The following PRR16 variants were observed in gnomAD, a reference collection of about 807,000 sequenced individuals.
The protein encoded by PRR16 is proline rich 16.
PRR16 carries 6 observed loss-of-function variants against 18.2 expected under a neutral mutation model. The ratio of observed to expected loss-of-function variants is 0.33; its 90% CI spans 0.18 to 0.65. The LOEUF is 0.65. Among genes scored for constraint, PRR16 ranks in the 30% least tolerant of loss-of-function variants. The probability of loss-of-function intolerance (pLI) is 0.74; values close to 1 mark genes in which losing one functional copy is unlikely to be tolerated. For missense variants in PRR16, 412 were observed against 376.6 expected (o/e 1.09, Z -0.78); for synonymous variants, 151 against 147.8 (o/e 1.02, Z -0.16).
chr5:120,610,730 C>CT (rs1168472218), intron 1 of PRR16, among the ~76,000 whole-genome samples: 1 of 152,132 alleles, frequency 6.6e-6, no homozygotes, highest in Non-Finnish European at 1.5e-5. Context: ...CCAATTATAC[C>CT]TTTTTTTCTT....
chr5:120,666,821 G>A (rs1580854532), intron 1 of PRR16, among the ~76,000 whole-genome samples: 1 of 147,570 alleles, frequency 6.8e-6, no homozygotes, highest in Non-Finnish European at 1.5e-5. Flanking sequence ...ACTTGATCAT[G>A]GTGGATAAGC....
intron 1 of PRR16, among the ~76,000 whole-genome samples, chr5:120,669,697 G>A (rs988677063): frequency 7.9e-5 from 12 of 151,964 alleles, no homozygotes; most frequent in African/African-American, 1.4e-4. Flanking sequence ...TAATTTAAAC[G>A]TCACAATTGT....
At chr5:120,526,667 G>A (rs1751364803) in intron 1 of PRR16, among the ~76,000 whole-genome samples, 1 of 152,130 alleles carries the variant, frequency 6.6e-6, no homozygotes, top group African/African-American at 2.4e-5. Flanking sequence ...GCAATAGTTG[G>A]TTAAATCACA....
the PRR16 span, among the ~76,000 whole-genome samples, chr5:120,703,210 A>G: frequency 5.3e-5 from 8 of 152,148 alleles, no homozygotes; most frequent in African/African-American, 1.2e-4. Context: ...ATGAGCCAGG[A>G]AAAGGATTTT....
At chr5:120,594,571 A>C (rs994167914) in intron 1 of PRR16, among the ~76,000 whole-genome samples, 1 of 152,110 alleles carries the variant, frequency 6.6e-6, no homozygotes, top group African/African-American at 2.4e-5. Context: ...CTATAAAACT[A>C]CTGAAGAAAT....
chr5:120,776,267 C>G, the PRR16 span, among the ~76,000 whole-genome samples: 1 of 152,144 alleles, frequency 6.6e-6, no homozygotes, highest in Non-Finnish European at 1.5e-5. Flanking sequence ...TCCAGTTCCC[C>G]AAAGTGGAGT....
chr5:120,613,026 G>C, intron 1 of PRR16, among the ~76,000 whole-genome samples: 1 of 151,112 alleles, frequency 6.6e-6, no homozygotes, highest in East Asian at 1.9e-4. Context: ...ATTGGGCAAA[G>C]ACAAATAAGC....
intron 1 of PRR16, among the ~76,000 whole-genome samples, chr5:120,653,367 A>T (rs1755857949): frequency 6.6e-6 from 1 of 152,106 alleles, no homozygotes. Flanking sequence ...TAAGCATTAA[A>T]CACCAAAATG....
chr5:120,664,455 TG>T (rs1478920326), intron 1 of PRR16, among the ~76,000 whole-genome samples: 1 of 29,254 alleles, frequency 3.4e-5, no homozygotes, highest in Non-Finnish European at 1.7e-4. Context: ...AAAATGTTTT[TG>T]TTTTTTTTTT....
chr5:120,537,169 G>A (rs1043316478), intron 1 of PRR16, among the ~76,000 whole-genome samples: 5 of 152,050 alleles, frequency 3.3e-5, no homozygotes, highest in South Asian at 2.1e-4. Flanking sequence ...TAACAAACCC[G>A]CACATGTACC....
At chr5:120,786,373 CT>C in the PRR16 span, among the ~76,000 whole-genome samples, 1 of 151,684 alleles carries the variant, frequency 6.6e-6, no homozygotes, top group Admixed American at 6.6e-5. Flanking sequence ...AATGGATAAA[CT>C]GTATCTGGTT....
At chr5:120,556,920 A>G (rs571286182) in intron 1 of PRR16, among the ~76,000 whole-genome samples, 1 of 151,678 alleles carries the variant, frequency 6.6e-6, no homozygotes, top group Non-Finnish European at 1.5e-5. Context: ...GAGTTCCCAT[A>G]AATAACCAGT....
At chr5:120,782,544 A>C in the PRR16 span, among the ~76,000 whole-genome samples, 474 of 152,026 alleles carry the variant, frequency 3.1e-3, 2 homozygotes, top group African/African-American at 0.011. Context: ...TCCCTCCCAT[A>C]TGCTGCTTCC....
At chr5:120,732,985 A>G in the PRR16 span, among the ~76,000 whole-genome samples, 110 of 152,294 alleles carry the variant, frequency 7.2e-4, no homozygotes, top group African/African-American at 2.6e-3. Flanking sequence ...GTTTGTTGAG[A>G]CAACTTTTGC....
intron 1 of PRR16, among the ~76,000 whole-genome samples, chr5:120,478,946 G>A (rs1402337546): frequency 6.6e-6 from 1 of 151,948 alleles, no homozygotes; most frequent in Non-Finnish European, 1.5e-5. Context: ...GTTTAAGTAA[G>A]TTTTAAGCAC....
intron 1 of PRR16, among the ~76,000 whole-genome samples, chr5:120,472,120 T>G (rs1472698111): frequency 6.6e-6 from 1 of 152,120 alleles, no homozygotes; most frequent in African/African-American, 2.4e-5. Flanking sequence ...GTAGAATAAT[T>G]GAAGTTAGGC....
At chr5:120,767,315 A>G in the PRR16 span, among the ~76,000 whole-genome samples, 2 of 151,934 alleles carry the variant, frequency 1.3e-5, no homozygotes, top group Non-Finnish European at 2.9e-5. Context: ...GCACCATAGA[A>G]GTAGGCAATA....
At chr5:120,628,642 T>C (rs887028273) in intron 1 of PRR16, among the ~76,000 whole-genome samples, 6 of 142,644 alleles carry the variant, frequency 4.2e-5, no homozygotes, top group Non-Finnish European at 9.1e-5. Flanking sequence ...CTCTCTATCT[T>C]TCTACCTTCT....
At chr5:120,573,905 A>C (rs200125482) in intron 1 of PRR16, among the ~76,000 whole-genome samples, 1 of 82,312 alleles carries the variant, frequency 1.2e-5, no homozygotes, top group Non-Finnish European at 2.7e-5. Context: ...ATATGTGTGT[A>C]TATATATATA....
Sources: allele counts gnomAD v4.1 joint callset (sites outside exome capture counted in the v4.1 genomes callset), GRCh38; gene constraint gnomAD v4.1.1; transcripts MANE v1.5; gene names NCBI Gene and HGNC (gene_info 2026-07-23, HGNC 2026-07-21).